The following LIX1L variants were observed in gnomAD, a reference collection of about 807,000 sequenced individuals.
The protein encoded by LIX1L is limb and CNS expressed 1 like, also known as LIX1-like protein.
Under a neutral mutation model 34.0 loss-of-function variants are expected in LIX1L, and 20 were observed. The observed-to-expected ratio is 0.59, with a 90% CI of 0.41 to 0.85. LIX1L has a LOEUF of 0.85. LIX1L is among the 40% of genes least tolerant of loss of function. LIX1L has a pLI of 0.00. For missense variants in LIX1L, 397 were observed against 447.0 expected (o/e 0.89, Z 1.01); for synonymous variants, 170 against 187.4 (o/e 0.91, Z 0.76).
At chr1:145,941,706 C>T (rs587759373) in intron 3 of LIX1L, among the ~76,000 whole-genome samples, 2 of 152,252 alleles carry the variant, frequency 1.3e-5, no homozygotes, top group East Asian at 1.9e-4. Flanking sequence ...CAATTACTAG[C>T]TATATCATGT....
chr1:145,945,701 A>G (rs2101900982), intron 2 of LIX1L, among the ~76,000 whole-genome samples: 1 of 149,900 alleles, frequency 6.7e-6, no homozygotes, highest in Non-Finnish European at 1.5e-5. Context: ...GTGAGCTGAG[A>G]TCGGGCTGTT....
intron 2 of LIX1L, among the ~76,000 whole-genome samples, chr1:145,944,794 GA>G (rs1649042349): frequency 1.3e-5 from 2 of 152,122 alleles, no homozygotes; most frequent in South Asian, 4.2e-4. Flanking sequence ...TTGGAAGGCT[GA>G]GGTGAAAGGA....
chr1:145,957,875 CT>C lies in LIX1L; in HGVS notation c.52del (p.Arg18GlyfsTer11). 1 of 1,477,234 alleles carries C rather than the reference CT, an allele frequency of 6.8e-7. No individual in the cohort carries two copies. The allele number at this position is 1,477,234 out of a possible 1,614,324, so 91.5% of individuals were successfully genotyped here. A position where few individuals can be genotyped will look rare whatever the true frequency, so the allele number is the denominator to read the frequency against. On this transcript the variant is annotated frameshift_variant, in exon 1 of 6. Transcript: ENST00000604000. LOFTEE classifies it high-confidence loss of function. ...RLQPGVGTSG[R>X]GTLRALRPGV... The stretch of plus-strand genomic sequence containing the variant: ...GGGCCGCAGCGCTCGGAGAGTGCCC[CT>C]CCCGCTGGTGCCCACACCAGGCTGC...
intron 3 of LIX1L, among the ~76,000 whole-genome samples, chr1:145,938,408 C>A: frequency 6.6e-6 from 1 of 152,208 alleles, no homozygotes; most frequent in South Asian, 2.1e-4. Flanking sequence ...AAAACCAATA[C>A]AGCATAGAAG....
chr1:145,956,526 T>A (rs1241132080), intron 1 of LIX1L, among the ~76,000 whole-genome samples: 1 of 152,086 alleles, frequency 6.6e-6, no homozygotes, highest in Non-Finnish European at 1.5e-5. Context: ...GTGACAAAGA[T>A]CTCCAAAGCC....
At chr1:145,940,187 A>G (rs1553758420) in intron 3 of LIX1L, 2 of 151,790 alleles carry the variant, frequency 1.3e-5, no homozygotes, top group African/African-American at 4.8e-5. Context: ...GCTGGTCTTG[A>G]ACTCCTGACC....
Position 145,957,949 on chromosome 1 carries a change from G to A in LIX1L, c.-22C>T. On this transcript the variant is annotated 5_prime_UTR_variant, in exon 1 of 6. Transcript: ENST00000604000. ...CCATCCCGGCCGCCAATGGAGTAGC[G>A]CCCCGGAGCCTGCCAGCCTGCCGAG... 1 of 1,428,328 alleles carries A rather than the reference G, an allele frequency of 7.0e-7. No individual in the cohort carries two copies. The highest frequency in any genetic ancestry group is 1.4e-5 in the South Asian group (1 of 70,576). 88.5% of individuals were successfully genotyped at this position (1,428,328 alleles called of 1,614,324 possible).
Position 145,947,765 on chromosome 1 carries a change from G to A in LIX1L, c.310C>T (p.Leu104Phe). ...TGCTTCATCTGCCAGAATTCCTGAA[G>A]TGCCTCCACCACATTCACTACAAAA... ...GYGRVNVVEA[L>F]QEFWQMKQSR... The change falls in exon 2 of 6, where the codon CTT becomes TTT. Residue 104 changes from leucine to phenylalanine, a missense_variant. By Grantham distance (22) the Leu-to-Phe change is conservative. Coordinates refer to ENST00000604000, the MANE Select transcript of LIX1L (RefSeq NM_153713.3). 1.2e-6 allele frequency: 2 copies of A among 1,614,150 alleles called. No homozygotes were observed. Among genetic ancestry groups the A allele is most frequent in the Non-Finnish European group, 1.7e-6 (2 of 1,180,022 alleles).
rs201036015 is a variant in LIX1L, at chr1:145,947,739, C to T, written c.336G>A (p.Gln112=). 6.1e-5 allele frequency: 98 copies of T among 1,614,174 alleles called. No homozygotes were observed. The highest frequency in any genetic ancestry group is 7.6e-5 in the Non-Finnish European group (90 of 1,180,034). Residue 112 remains glutamine (Q), a synonymous_variant, in exon 2 of 6, where the codon CAG becomes CAA. Transcript: ENST00000604000. The part of the protein sequence containing the change: ...EALQEFWQMK[Q]SRGADLKNGA... ...CATTCTTTAAGTCAGCACCACGGGA[C>T]TGCTTCATCTGCCAGAATTCCTGAA...
intron 4 of LIX1L, chr1:145,937,361 G>A (rs1386353553): frequency 1.9e-5 from 6 of 312,118 alleles, no homozygotes; most frequent in Middle Eastern, 2.0e-3. Context: ...TAGTAGAAAC[G>A]GGGCTTTGCC....
chr1:145,942,007 C>G (rs1648938634), intron 3 of LIX1L: 2 of 152,146 alleles, frequency 1.3e-5, no homozygotes, highest in Admixed American at 6.6e-5. Flanking sequence ...CCTCAGCCTC[C>G]CAAGCAGCTG....
chr1:145,947,785 A>G lies in LIX1L; in HGVS notation c.293-3T>C, dbSNP rs782413081. 7 of 1,613,946 alleles carry G rather than the reference A, an allele frequency of 4.3e-6. No individual in the cohort carries two copies. The highest frequency in any genetic ancestry group is 2.2e-5 in the South Asian group (2 of 91,080). Reference sequence around the variant, plus strand: ...CTGAAGTGCCTCCACCACATTCACTACAAAAGAGAAGTACTTAAGTTCAGC... The same window carrying G: ...CTGAAGTGCCTCCACCACATTCACTGCAAAAGAGAAGTACTTAAGTTCAGC... On this transcript the variant is annotated splice_polypyrimidine_tract_variant and splice_region_variant and intron_variant, in intron 1 of 5. Transcript: ENST00000604000.
chr1:145,957,399 T>C (rs587647229), intron 1 of LIX1L, among the ~76,000 whole-genome samples: 26 of 151,970 alleles, frequency 1.7e-4, no homozygotes, highest in African/African-American at 5.5e-4. Flanking sequence ...GAAAAGAGGA[T>C]TGTATCTGAA....
chr1:145,951,429 A>C (rs928149038), intron 1 of LIX1L, among the ~76,000 whole-genome samples: 1 of 152,222 alleles, frequency 6.6e-6, no homozygotes, highest in Non-Finnish European at 1.5e-5. Context: ...TACTAGCCTG[A>C]GTTGGAGAAG....
In LIX1L at chr1:145,948,749, A is replaced by T. The variant is rs1476829445; in HGVS notation, c.293-967T>A. 5 of 152,164 alleles carry T rather than the reference A, an allele frequency of 3.3e-5. No homozygotes were observed. Among genetic ancestry groups the T allele is most frequent in the Non-Finnish European group, 7.3e-5 (5 of 68,030 alleles). 9.4% of individuals were successfully genotyped at this position (152,164 alleles called of 1,614,324 possible). A position where few individuals can be genotyped will look rare whatever the true frequency, so the allele number is the denominator to read the frequency against. ...TCTTGCTAGGTACACCAAGATTGCA[A>T]ATCCCTGACTGCTCTTTACTTGGGC... On this transcript the variant is annotated intron_variant, in intron 1 of 5. Coordinates refer to ENST00000604000, the MANE Select transcript of LIX1L (RefSeq NM_153713.3). This position sits in a 1 kb window ranked among gnomAD's most constrained non-coding sequence, Gnocchi z 4.0.
In LIX1L at chr1:145,957,800, G is replaced by T. The variant is rs781820318; in HGVS notation, c.128C>A (p.Pro43Gln). Residue 43 changes from proline to glutamine, a missense_variant, in exon 1 of 6, where the codon CCG becomes CAG. Physicochemically the swap from Pro to Gln is moderately conservative, Grantham distance 76. Transcript: ENST00000604000. ...AATATPPAGPPPAPPPPAPPP... is the reference protein window; with the variant it reads ...AATATPPAGPQPAPPPPAPPP... The stretch of plus-strand genomic sequence containing the variant: ...CGGTGCGGGAGGCGGCGGGGCAGGC[G>T]GGGGGCCCGCAGGGGGTGTGGCGGT... 1,312 of 1,349,922 alleles carry T rather than the reference G, an allele frequency of 9.7e-4. No homozygotes were observed. The highest frequency in any genetic ancestry group is 1.2e-3 in the Admixed American group (31 of 26,622). 83.6% of individuals were successfully genotyped at this position (1,349,922 alleles called of 1,614,324 possible).
At position 145,936,507 on chromosome 1, in the gene LIX1L, G is replaced by A. The variant is rs1418198820; in HGVS notation, c.817C>T (p.Arg273Cys). Residue 273 changes from arginine (R) to cysteine (C), a missense_variant, in exon 6 of 6, where the codon CGC becomes TGC. Arg to Cys is a radical substitution (Grantham distance 180). This residue lies in a region of LIX1L where 174 missense variants were observed against 204.0 expected (regional missense o/e 0.85). Transcript: ENST00000604000. The part of the protein sequence containing the change: ...YSHRALDDDI[R>C]HQMALDWVSR... ...ACCCAGTCCAAGGCCATTTGGTGGC[G>A]AATATCATCATCCAGGGCCCGGTGC... 6 of 1,613,976 alleles carry A rather than the reference G, an allele frequency of 3.7e-6. No individual in the cohort carries two copies. In the African/African-American group the frequency reaches 5.3e-5, roughly 14 times the overall value.
intron 1 of LIX1L, among the ~76,000 whole-genome samples, chr1:145,956,911 G>C (rs1242326613): frequency 4.6e-5 from 7 of 152,180 alleles, no homozygotes; most frequent in African/African-American, 1.7e-4. Context: ...CATTGAAAGA[G>C]CCAAGGCCTG....
chr1:145,957,538 T>C (rs1553760524), intron 1 of LIX1L, 98 bp downstream of exon 1: 2 of 1,333,100 alleles, frequency 1.5e-6, no homozygotes, highest in Non-Finnish European at 1.9e-6. Flanking sequence ...AGGAAATGCA[T>C]GTGAGGGCTC....
Sources: gnomAD v4.1 joint callset for allele counts (sites outside exome capture counted in the v4.1 genomes callset) on GRCh38, gnomAD v4.1.1 for gene constraint, gnomAD v4.1.1 regional missense constraint, Gnocchi (gnomAD v3.1) non-coding constraint, MANE v1.5 for transcripts, NCBI Gene and HGNC (gene_info 2026-07-23, HGNC 2026-07-21) for gene names.